The following BLM variants were observed in gnomAD, a reference collection of about 807,000 sequenced individuals.
BLM encodes the protein recQ-like DNA helicase BLM.
Under a neutral mutation model 135.3 loss-of-function variants are expected in BLM, and 95 were observed. The observed-to-expected ratio is 0.70, with a 90% confidence interval of 0.59 to 0.83. The LOEUF (loss-of-function observed/expected upper bound fraction) is 0.83. Among genes scored for constraint, BLM ranks in the 40% least tolerant of loss-of-function variants. The pLI is 0.00. For missense variants in BLM, 1,518 were observed against 1,663.9 expected (o/e 0.91, Z 1.53); for synonymous variants, 520 against 589.2 (o/e 0.88, Z 1.70).
At chr15:90,793,972 C>A in intron 15 of BLM, 195 bp from the exon 16 acceptor site, 1 of 370,176 alleles carries the variant, frequency 2.7e-6, no homozygotes, top group South Asian at 5.8e-5. Flanking sequence ...AACATTTATT[C>A]CTATAGTACT....
At chr15:90,785,679 G>T (rs1038059875) in intron 14 of BLM, among the ~76,000 whole-genome samples, 2 of 151,904 alleles carry the variant, frequency 1.3e-5, no homozygotes, top group Non-Finnish European at 2.9e-5. Flanking sequence ...GAGTAGATGG[G>T]ATTACAGATG....
At chr15:90,762,887 G>A in intron 7 of BLM, 79 bp from the exon 8 acceptor site, 2 of 1,315,748 alleles carry the variant, frequency 1.5e-6, no homozygotes, top group Non-Finnish European at 2.1e-6. Flanking sequence ...CAGTGATTCT[G>A]CAGGGCAAGG....
At chr15:90,794,794 AT>A (rs1478973575) in intron 16 of BLM, among the ~76,000 whole-genome samples, 2 of 135,682 alleles carry the variant, frequency 1.5e-5, no homozygotes, top group African/African-American at 3.1e-5. Context: ...TATTTTAAAT[AT>A]TTAATTAATA....
At chr15:90,771,642 T>C (rs191580971) in intron 12 of BLM, among the ~76,000 whole-genome samples, 75 of 150,224 alleles carry the variant, frequency 5.0e-4, no homozygotes, top group South Asian at 3.4e-3. Context: ...CATGTTGCCA[T>C]GTTACCCAAG....
chr15:90,804,055 C>T, intron 18 of BLM, 112 bp from the exon 19 acceptor site: 2 of 1,027,170 alleles, frequency 1.9e-6, no homozygotes, highest in Non-Finnish European at 2.9e-6. Context: ...TCACTATCTG[C>T]ATGACAGAAT....
rs541323712 is a variant in BLM, at chr15:90,762,518, G to A, written c.1883-448G>A. On this transcript the variant is annotated intron_variant, in intron 7 of 21. Transcript: ENST00000355112. The stretch of plus-strand genomic sequence containing the variant: ...TCAGTTGGGTCTTAAGAGAGGTGTA[G>A]GCATTTGCTGCACACGGGTCATGTT... The A allele has an allele frequency of 4.4e-5, 8 of 182,662 alleles. No individual in the cohort carries two copies. The East Asian group carries it at 1.2e-3, about 28-fold the overall frequency. The allele number at this position is 182,662 out of a possible 1,614,324, so 11.3% of individuals were successfully genotyped here.
chr15:90,750,187 T>C (rs1225881929), intron 3 of BLM, 120 bp downstream of exon 3: 5 of 1,093,652 alleles, frequency 4.6e-6, no homozygotes, highest in African/African-American at 3.1e-5. Context: ...GGGTCTTTAG[T>C]GGTGCTTTTT....
Position 90,751,925 on chromosome 15 carries a change from C to T in BLM, c.938C>T (p.Ser313Phe). ...PSPEEIISAS[S>F]SSSKCLSTLK... ...CCAGAAGAAATTATTTCTGCTTCTT[C>T]TTCCTCTTCAAAATGCCTTAGGTAA... The change falls in exon 4 of 22, where the codon TCT becomes TTT. Residue 313 changes from serine (S) to phenylalanine (F), a missense_variant. Physicochemically the swap from Ser to Phe is radical, Grantham distance 155 (BLOSUM62 -2). Around this residue, in one of 5 missense-constraint regions of BLM, gnomAD observed 724 missense variants for 756.9 expected, o/e 0.96. Transcript: ENST00000355112. The T allele has an allele frequency of 6.2e-7, 1 of 1,612,540 alleles. No homozygotes were observed. Among genetic ancestry groups the T allele is most frequent in the Non-Finnish European group, 8.5e-7 (1 of 1,178,804 alleles).
intron 1 of BLM, among the ~76,000 whole-genome samples, chr15:90,728,179 G>A (rs1343175395): frequency 6.6e-6 from 1 of 152,052 alleles, no homozygotes; most frequent in African/African-American, 2.4e-5. Context: ...TGGGACCATA[G>A]GCACATGCCA....
intron 19 of BLM, among the ~76,000 whole-genome samples, chr15:90,805,511 C>T (rs891806861): frequency 6.6e-6 from 1 of 151,642 alleles, no homozygotes. Context: ...ATGATCTGGC[C>T]GGACACGGTG....
chr15:90,779,213 A>C (rs1297140633), intron 12 of BLM, among the ~76,000 whole-genome samples: 1 of 152,058 alleles, frequency 6.6e-6, no homozygotes. Flanking sequence ...GAACTGTCGC[A>C]CTGTTTTCCA....
chr15:90,744,815 G>A (rs931008861), intron 1 of BLM, among the ~76,000 whole-genome samples: 7 of 152,052 alleles, frequency 4.6e-5, no homozygotes, highest in African/African-American at 1.2e-4. Context: ...TTTGGGAGGC[G>A]GAGGCAGGAG....
chr15:90,760,301 T>A (rs1381317327), intron 6 of BLM, 22 bp downstream of exon 6: 1 of 1,613,712 alleles, frequency 6.2e-7, no homozygotes, highest in East Asian at 2.2e-5. Flanking sequence ...TTCCCCCTTC[T>A]GGAATATATC....
Position 90,769,523 on chromosome 15 carries a change from C to T in BLM, c.2492C>T (p.Ala831Val). 6.2e-7 allele frequency: 1 copy of T among 1,613,934 alleles called. No homozygotes were observed. The highest frequency in any genetic ancestry group is 1.3e-5 in the African/African-American group (1 of 75,022). Reference sequence around the variant, plus strand: ...TCTGTTCCGGTGATGGCTCTTACGGCCACAGCTAATCCCAGGGTACAGAAG... The same window carrying T: ...TCTGTTCCGGTGATGGCTCTTACGGTCACAGCTAATCCCAGGGTACAGAAG... ...FPSVPVMALT[A>V]TANPRVQKDI... The change falls in exon 12 of 22, where the codon GCC becomes GTC. Residue 831 changes from alanine to valine, a missense_variant. Ala to Val is a moderately conservative substitution (Grantham distance 64, BLOSUM62 0). Transcript: ENST00000355112.
chr15:90,794,528 G>A (rs1006082715), intron 16 of BLM, among the ~76,000 whole-genome samples, 171 bp downstream of exon 16: 4 of 151,494 alleles, frequency 2.6e-5, no homozygotes, highest in Admixed American at 6.6e-5. Context: ...AATTTCATGC[G>A]GTATCTTTTC....
chr15:90,756,068 G>A (rs1239718331), intron 5 of BLM, among the ~76,000 whole-genome samples: 3 of 151,560 alleles, frequency 2.0e-5, no homozygotes, highest in Non-Finnish European at 2.9e-5. Context: ...AACTAATTCA[G>A]TCATCACCAT....
chr15:90,749,647 A>G lies in BLM; in HGVS notation c.379A>G (p.Thr127Ala), dbSNP rs528474170. ...EVVCTTQNTP[T>A]VKKSRDTALK... The stretch of plus-strand genomic sequence containing the variant: ...TGTATGCACTACCCAAAACACACCA[A>G]CTGTAAAGAAATCCCGGGATACTGC... The change falls in exon 3 of 22, where the codon ACT (threonine) becomes GCT (alanine). Residue 127 changes from threonine to alanine, a missense_variant. Physicochemically the swap from Thr to Ala is moderately conservative, Grantham distance 58. Transcript: ENST00000355112. The G allele has an allele frequency of 1.6e-5, 26 of 1,614,144 alleles. No individual in the cohort carries two copies. The South Asian group carries it at 2.7e-4, about 17-fold the overall frequency.
chr15:90,811,135 CT>C, intron 20 of BLM, 69 bp from the exon 21 acceptor site: 1 of 1,539,654 alleles, frequency 6.5e-7, no homozygotes, highest in Non-Finnish European at 9.0e-7. Context: ...CAGCGTGTCT[CT>C]TCATATACAC....
chr15:90,792,867 A>G (rs1345856939), intron 15 of BLM, among the ~76,000 whole-genome samples: 1 of 152,100 alleles, frequency 6.6e-6, no homozygotes, highest in African/African-American at 2.4e-5. Context: ...GCACTATACC[A>G]AAGTGATTCT....
Sources: allele counts gnomAD v4.1 joint callset (sites outside exome capture counted in the v4.1 genomes callset), GRCh38; gene constraint gnomAD v4.1.1; regional missense constraint gnomAD v4.1.1; transcripts MANE v1.5; gene names NCBI Gene and HGNC (gene_info 2026-07-23, HGNC 2026-07-21).